Variants in PEAK1 observed in about 807,000 individuals in gnomAD.
PEAK1 encodes the protein pseudopodium enriched atypical kinase 1, also known as inactive tyrosine-protein kinase PEAK1.
In PEAK1, 54 loss-of-function variants were observed where a neutral mutation model predicts 124.7. That is an observed-to-expected ratio of 0.43 (90% CI 0.35 to 0.54). The LOEUF is 0.54. PEAK1 is among the 20% of genes least tolerant of loss of function. PEAK1 has a pLI of 0.01. For missense variants in PEAK1, 2,046 were observed against 2,134.5 expected (o/e 0.96, Z 0.82); for synonymous variants, 719 against 760.0 (o/e 0.95, Z 0.89).
At chr15:77,336,300 T>A (rs922670792) in intron 2 of PEAK1, 40 of 985,272 alleles carry the variant, frequency 4.1e-5, no homozygotes, top group Admixed American at 1.2e-4. Flanking sequence ...ACATGGCTGG[T>A]AGGCAGAGTT....
chr15:77,298,652 TCA>T (rs934921248), intron 2 of PEAK1, among the ~76,000 whole-genome samples: 4 of 152,136 alleles, frequency 2.6e-5, no homozygotes, highest in Non-Finnish European at 5.9e-5. Flanking sequence ...AAATTTTTAT[TCA>T]CAGAGTCCAC....
chr15:77,319,298 GGCTT>G (rs1311455257), intron 2 of PEAK1, among the ~76,000 whole-genome samples: 1 of 147,696 alleles, frequency 6.8e-6, no homozygotes, highest in African/African-American at 2.5e-5. Flanking sequence ...TAAAACTCAA[GGCTT>G]TAAATCTTTT....
At position 77,180,203 on chromosome 15, in the gene PEAK1, G is replaced by C; in HGVS notation, c.1724C>G (p.Ala575Gly). 1 of 1,614,156 alleles carries C rather than the reference G, an allele frequency of 6.2e-7. No homozygotes were observed. Among genetic ancestry groups the C allele is most frequent in the Non-Finnish European group, 8.5e-7 (1 of 1,180,006 alleles). Residue 575 changes from alanine (A) to glycine (G), a missense_variant, in exon 7 of 10, where the codon GCT becomes GGT. Ala to Gly is a moderately conservative substitution (Grantham distance 60). Transcript: ENST00000682557. ...GATGGTTTTGGAGGAAATGTTTGTA[G>C]CTGTGGGTGATGTAGGTGCTGATTT... is the stretch of plus-strand genomic sequence containing the variant. ...CHKSAPTSPT[A>G]TNISSKTIPV...
chr15:77,193,828 AAACTAAACTAAAC>A (rs1406449677), intron 6 of PEAK1, among the ~76,000 whole-genome samples: 65 of 151,482 alleles, frequency 4.3e-4, no homozygotes, highest in Non-Finnish European at 8.0e-4. Flanking sequence ...AAACTAAACT[AAACTAAACTAAAC>A]TAAACTAAAC....
intron 6 of PEAK1, among the ~76,000 whole-genome samples, chr15:77,195,725 T>A (rs1028129242): frequency 6.6e-6 from 1 of 152,248 alleles, no homozygotes; most frequent in Non-Finnish European, 1.5e-5. Context: ...AATTTCAACA[T>A]TTTAAAAATG....
At chr15:77,343,575 C>T (rs548365817) in intron 2 of PEAK1, among the ~76,000 whole-genome samples, 2 of 150,932 alleles carry the variant, frequency 1.3e-5, no homozygotes, top group Admixed American at 1.3e-4. Context: ...CAACGTCCAC[C>T]CCCTGGGTTC....
At chr15:77,381,427 TA>T (rs150237762) in intron 1 of PEAK1, 32 of 926,166 alleles carry the variant, frequency 3.5e-5, no homozygotes, top group South Asian at 1.0e-4. Flanking sequence ...CCCTGTCTCT[TA>T]AAAAAAATAA....
intron 9 of PEAK1, among the ~76,000 whole-genome samples, chr15:77,123,898 G>A (rs1020963851): frequency 6.6e-6 from 1 of 151,930 alleles, no homozygotes; most frequent in Admixed American, 6.6e-5. Flanking sequence ...GGGGAAGAGA[G>A]GATAAAAGAA....
At chr15:77,269,252 G>C (rs908866295) in intron 5 of PEAK1, among the ~76,000 whole-genome samples, 2 of 152,084 alleles carry the variant, frequency 1.3e-5, no homozygotes, top group African/African-American at 4.8e-5. Context: ...CAGTAACTAA[G>C]TATCTGCTGT....
At chr15:77,412,859 A>G (rs977438129) in intron 1 of PEAK1, among the ~76,000 whole-genome samples, 2 of 152,222 alleles carry the variant, frequency 1.3e-5, no homozygotes, top group East Asian at 3.8e-4. Context: ...ATACGCATAA[A>G]AAAAGGATAG....
chr15:77,286,713 T>A (rs571362404), intron 2 of PEAK1, among the ~76,000 whole-genome samples: 12 of 152,330 alleles, frequency 7.9e-5, no homozygotes, highest in African/African-American at 2.6e-4. Context: ...AGCCAAAAAG[T>A]AAACATATAT....
At chr15:77,416,412 T>C (rs186054272) in intron 1 of PEAK1, among the ~76,000 whole-genome samples, 2 of 152,328 alleles carry the variant, frequency 1.3e-5, no homozygotes, top group Non-Finnish European at 2.9e-5. Context: ...CTCCCTCTTC[T>C]ACACTCTTCA....
intron 1 of PEAK1, among the ~76,000 whole-genome samples, chr15:77,392,537 C>CAT (rs1390084224): frequency 5.3e-5 from 8 of 152,158 alleles, no homozygotes; most frequent in Non-Finnish European, 1.2e-4. Flanking sequence ...TAATATGCAT[C>CAT]ATATATATGG....
chr15:77,293,164 C>A (rs997996279), intron 2 of PEAK1, among the ~76,000 whole-genome samples: 12 of 152,170 alleles, frequency 7.9e-5, no homozygotes, highest in African/African-American at 2.9e-4. Context: ...CTGCCTAAAA[C>A]CACTACTGTT....
At chr15:77,121,976 A>G (rs908616582) in intron 9 of PEAK1, among the ~76,000 whole-genome samples, 1 of 152,210 alleles carries the variant, frequency 6.6e-6, no homozygotes, top group African/African-American at 2.4e-5. Context: ...ATTGATATCC[A>G]GTATTTGGTA....
intron 5 of PEAK1, among the ~76,000 whole-genome samples, chr15:77,254,318 G>A (rs901804432): frequency 1.1e-4 from 16 of 151,958 alleles, no homozygotes; most frequent in African/African-American, 3.6e-4. Context: ...ATATACATAA[G>A]TTTGACTGCT....
At chr15:77,144,103 C>G (rs1204846204) in intron 8 of PEAK1, among the ~76,000 whole-genome samples, 1 of 152,182 alleles carries the variant, frequency 6.6e-6, no homozygotes, top group African/African-American at 2.4e-5. Flanking sequence ...GGTCTATCAT[C>G]ATCAGCAGCT....
chr15:77,327,947 T>C (rs1475856933), intron 2 of PEAK1, among the ~76,000 whole-genome samples: 1 of 152,112 alleles, frequency 6.6e-6, no homozygotes, highest in Non-Finnish European at 1.5e-5. Flanking sequence ...ACGGCAACAG[T>C]GCATGCTGAC....
intron 6 of PEAK1, among the ~76,000 whole-genome samples, chr15:77,221,071 A>G (rs2059367659): frequency 6.6e-6 from 1 of 152,130 alleles, no homozygotes; most frequent in Non-Finnish European, 1.5e-5. Flanking sequence ...TGTTTTCATA[A>G]TCAGAAAAAA....
Sources: gnomAD v4.1 joint callset for allele counts (sites outside exome capture counted in the v4.1 genomes callset) on GRCh38, gnomAD v4.1.1 for gene constraint, MANE v1.5 for transcripts, NCBI Gene and HGNC (gene_info 2026-07-23, HGNC 2026-07-21) for gene names.